The following CNTNAP2 variants were observed in gnomAD, a reference collection of about 807,000 sequenced individuals.
CNTNAP2 encodes the protein contactin-associated protein-like 2.
CNTNAP2 carries 98 observed loss-of-function variants against 155.2 expected under a neutral mutation model. That is an observed-to-expected ratio of 0.63 (90% CI 0.54 to 0.75). CNTNAP2 has a LOEUF of 0.75. Ranked by LOEUF, CNTNAP2 falls within the 30% of genes least tolerant of loss-of-function variation. CNTNAP2 has a pLI of 0.00. For missense variants in CNTNAP2, 1,727 were observed against 1,688.1 expected (o/e 1.02, Z -0.40); for synonymous variants, 651 against 631.2 (o/e 1.03, Z -0.47).
chr7:147,106,295 T>C (rs1390274174), intron 4 of CNTNAP2, among the ~76,000 whole-genome samples: 1 of 152,132 alleles, frequency 6.6e-6, no homozygotes, highest in Non-Finnish European at 1.5e-5. Flanking sequence ...AGATAAAAAG[T>C]ATCATCAACT....
chr7:147,285,107 A>G (rs1805146628), intron 8 of CNTNAP2, among the ~76,000 whole-genome samples: 1 of 151,982 alleles, frequency 6.6e-6, no homozygotes, highest in African/African-American at 2.4e-5. Flanking sequence ...CTGAAATAAG[A>G]AACTCTATTC....
chr7:148,377,994 G>T (rs1223243258), intron 21 of CNTNAP2, among the ~76,000 whole-genome samples: 1 of 68,358 alleles, frequency 1.5e-5, no homozygotes, highest in African/African-American at 3.6e-5. Context: ...ATGATGTTCA[G>T]TAGGTTACGT....
intron 21 of CNTNAP2, among the ~76,000 whole-genome samples, chr7:148,349,454 T>C (rs1798387058): frequency 7.1e-6 from 1 of 141,268 alleles, no homozygotes; most frequent in African/African-American, 2.7e-5. Flanking sequence ...CGGGCTGGAG[T>C]GCAGTGGCGC....
At chr7:147,220,561 A>T (rs528173461) in intron 8 of CNTNAP2, among the ~76,000 whole-genome samples, 2 of 152,322 alleles carry the variant, frequency 1.3e-5, no homozygotes, top group Non-Finnish European at 2.9e-5. Context: ...TAGTGATATA[A>T]TTGGATTAAT....
chr7:146,375,609 T>G (rs145763185), intron 1 of CNTNAP2, among the ~76,000 whole-genome samples: 40 of 152,358 alleles, frequency 2.6e-4, no homozygotes, highest in African/African-American at 9.6e-4. Flanking sequence ...TACTACAGTT[T>G]ATAGTTTCTT....
chr7:148,338,562 G>C (rs1193548808), intron 21 of CNTNAP2, among the ~76,000 whole-genome samples: 1 of 130,748 alleles, frequency 7.6e-6, no homozygotes, highest in South Asian at 2.5e-4. Flanking sequence ...GGGGGGGTGA[G>C]GGGGGGGTGA....
intron 3 of CNTNAP2, among the ~76,000 whole-genome samples, chr7:146,922,269 A>C (rs1052436352): frequency 2.6e-5 from 4 of 152,082 alleles, no homozygotes; most frequent in Non-Finnish European, 5.9e-5. Flanking sequence ...AAGGAAAAAA[A>C]AAAAACGCCA....
intron 1 of CNTNAP2, among the ~76,000 whole-genome samples, chr7:146,127,227 T>A (rs1260126): frequency 0.83 from 127,012 of 152,134 alleles, 53,532 homozygotes; most frequent in African/African-American, 0.96. Flanking sequence ...ATCTATGCTG[T>A]TTTAGAGGAA....
At chr7:146,671,541 A>T (rs1402524215) in intron 1 of CNTNAP2, among the ~76,000 whole-genome samples, 2 of 152,040 alleles carry the variant, frequency 1.3e-5, no homozygotes, top group African/African-American at 4.8e-5. Context: ...GAGCTCCACT[A>T]GTTACGCAGA....
intron 3 of CNTNAP2, among the ~76,000 whole-genome samples, chr7:146,931,171 A>G (rs1382461312): frequency 6.6e-6 from 1 of 151,804 alleles, no homozygotes; most frequent in African/African-American, 2.4e-5. Context: ...TCCAAAATTG[A>G]CCACATAGTT....
intron 8 of CNTNAP2, among the ~76,000 whole-genome samples, chr7:147,207,076 C>G (rs1307263172): frequency 6.6e-6 from 1 of 152,126 alleles, no homozygotes; most frequent in Non-Finnish European, 1.5e-5. Flanking sequence ...TAGTGACTTC[C>G]TTCACTCCAC....
At chr7:147,338,840 G>A (rs1289629697) in intron 9 of CNTNAP2, among the ~76,000 whole-genome samples, 2 of 151,904 alleles carry the variant, frequency 1.3e-5, no homozygotes, top group South Asian at 4.1e-4. Flanking sequence ...AGTTTGGAAG[G>A]ACAGGGGCCA....
At chr7:147,335,065 G>C (rs1795642803) in intron 9 of CNTNAP2, among the ~76,000 whole-genome samples, 1 of 152,120 alleles carries the variant, frequency 6.6e-6, no homozygotes, top group African/African-American at 2.4e-5. Flanking sequence ...GTAAGTGGCA[G>C]GAATTCATAT....
chr7:146,602,623 C>T (rs1798968350), intron 1 of CNTNAP2, among the ~76,000 whole-genome samples: 1 of 152,272 alleles, frequency 6.6e-6, no homozygotes, highest in East Asian at 1.9e-4. Flanking sequence ...TATGACATAA[C>T]TACGTTGCCC....
At chr7:147,905,441 A>C (rs1799942399) in intron 14 of CNTNAP2, among the ~76,000 whole-genome samples, 1 of 152,226 alleles carries the variant, frequency 6.6e-6, no homozygotes, top group Non-Finnish European at 1.5e-5. Flanking sequence ...ACATCATGCT[A>C]AGTTCTAGGG....
intron 1 of CNTNAP2, among the ~76,000 whole-genome samples, chr7:146,416,428 T>G (rs1405392799): frequency 6.6e-6 from 1 of 152,092 alleles, no homozygotes; most frequent in Non-Finnish European, 1.5e-5. Context: ...GTCACCACAT[T>G]GATGCCAAAT....
chr7:146,655,379 ACT>A (rs1279795059), intron 1 of CNTNAP2, among the ~76,000 whole-genome samples: 1 of 138,744 alleles, frequency 7.2e-6, no homozygotes, highest in Non-Finnish European at 1.5e-5. Context: ...GCACCACTGC[ACT>A]CCAGCCTTGG....
chr7:148,140,537 C>T (rs1291514140), intron 16 of CNTNAP2, among the ~76,000 whole-genome samples: 2 of 151,770 alleles, frequency 1.3e-5, no homozygotes, highest in African/African-American at 4.8e-5. Flanking sequence ...GATTCTCTTG[C>T]CTCAGCCTCC....
chr7:147,390,512 A>T (rs962597387), intron 9 of CNTNAP2, among the ~76,000 whole-genome samples: 4 of 152,054 alleles, frequency 2.6e-5, no homozygotes, highest in African/African-American at 9.7e-5. Flanking sequence ...CTTGACTAGG[A>T]TTAGAGGCTC....
Sources: allele counts gnomAD v4.1 joint callset (sites outside exome capture counted in the v4.1 genomes callset), GRCh38; gene constraint gnomAD v4.1.1; transcripts MANE v1.5; gene names NCBI Gene and HGNC (gene_info 2026-07-23, HGNC 2026-07-21).